ELMO1: variants seen among roughly 807,000 people sequenced by gnomAD.
ELMO1 encodes engulfment and cell motility 1, also known as engulfment and cell motility protein 1.
In ELMO1, 26 loss-of-function variants were observed where a neutral mutation model predicts 98.9. That is an observed-to-expected ratio of 0.26 (90% CI 0.19 to 0.36). The LOEUF is 0.36. Among genes scored for constraint, ELMO1 ranks in the 10% least tolerant of loss-of-function variants. The pLI is 1.00. For synonymous variants in ELMO1, 346 were observed against 346.0 expected (o/e 1.00, Z 0.00); for missense variants, 627 against 935.2 (o/e 0.67, Z 4.30).
intron 16 of ELMO1, among the ~76,000 whole-genome samples, chr7:36,985,485 C>G (rs752281190): frequency 2.0e-5 from 3 of 152,106 alleles, no homozygotes; most frequent in East Asian, 3.9e-4. Flanking sequence ...TTTGACAGAC[C>G]ATTGTAATAA....
At chr7:37,035,275 A>G (rs1795115205) in intron 15 of ELMO1, among the ~76,000 whole-genome samples, 1 of 152,218 alleles carries the variant, frequency 6.6e-6, no homozygotes. Context: ...AAATTATCCA[A>G]CCATCCTTTG....
chr7:37,233,775 T>C (rs1794311409), intron 7 of ELMO1, among the ~76,000 whole-genome samples: 1 of 152,224 alleles, frequency 6.6e-6, no homozygotes, highest in Non-Finnish European at 1.5e-5. Context: ...GATACAAACA[T>C]GTATGCAAGT....
At chr7:37,232,447 T>A (rs371116842) in intron 8 of ELMO1, among the ~76,000 whole-genome samples, 34 of 152,232 alleles carry the variant, frequency 2.2e-4, no homozygotes, top group African/African-American at 8.2e-4. Flanking sequence ...TTATTTTTAG[T>A]CAGAAGAATG....
chr7:37,397,100 G>A (rs908010868), intron 1 of ELMO1, among the ~76,000 whole-genome samples: 4 of 152,160 alleles, frequency 2.6e-5, no homozygotes, highest in Admixed American at 6.6e-5. Context: ...AGCCACAGTC[G>A]TAAACTGTAA....
At chr7:37,084,041 C>T (rs1562989802) in intron 15 of ELMO1, among the ~76,000 whole-genome samples, 1 of 152,246 alleles carries the variant, frequency 6.6e-6, no homozygotes, top group South Asian at 2.1e-4. Context: ...TAGGAAGTCA[C>T]ACAGCTGTGT....
chr7:37,205,297 T>C (rs1466142709), intron 13 of ELMO1, among the ~76,000 whole-genome samples: 2 of 152,198 alleles, frequency 1.3e-5, no homozygotes, highest in African/African-American at 4.8e-5. Flanking sequence ...GGAACAATAT[T>C]AAATTGTTTC....
chr7:37,025,937 T>TATCTATC (rs1343114106), intron 15 of ELMO1, among the ~76,000 whole-genome samples: 1 of 73,798 alleles, frequency 1.4e-5, no homozygotes, highest in Non-Finnish European at 2.9e-5. Context: ...ATCTATCTAT[T>TATCTATC]TTTTTCTATT....
chr7:37,162,858 T>C (rs1584743529), intron 13 of ELMO1, among the ~76,000 whole-genome samples: 1 of 152,278 alleles, frequency 6.6e-6, no homozygotes, highest in South Asian at 2.1e-4. Context: ...CCACTAGACA[T>C]CTACTGCCAA....
At chr7:37,080,382 A>G (rs1303673203) in intron 15 of ELMO1, among the ~76,000 whole-genome samples, 1 of 151,974 alleles carries the variant, frequency 6.6e-6, no homozygotes, top group Non-Finnish European at 1.5e-5. Context: ...AGTAAAAGCC[A>G]AATTGGTTAC....
chr7:37,393,934 G>A (rs10238927), intron 1 of ELMO1: 19,174 of 152,162 alleles, frequency 0.13, 1,438 homozygotes, highest in African/African-American at 0.2. Context: ...GGGATAAATA[G>A]GTGGAAAGGA....
chr7:36,912,845 G>C (rs1191718883), intron 16 of ELMO1, among the ~76,000 whole-genome samples: 1 of 152,158 alleles, frequency 6.6e-6, no homozygotes. Flanking sequence ...TAACATAAGT[G>C]AAAGTGTTGA....
intron 14 of ELMO1, 61 bp from the exon 15 acceptor site, chr7:37,096,788 T>G: frequency 7.0e-7 from 1 of 1,422,278 alleles, no homozygotes; most frequent in South Asian, 1.2e-5. Context: ...ATCAAGAATA[T>G]CACCTTCATT....
At chr7:37,204,108 C>T (rs1341717279) in intron 13 of ELMO1, 1 of 456,470 alleles carries the variant, frequency 2.2e-6, no homozygotes, top group Non-Finnish European at 4.4e-6. Context: ...ACGGTACTCA[C>T]CATTTGGCAA....
At chr7:37,042,651 T>G (rs543533297) in intron 15 of ELMO1, among the ~76,000 whole-genome samples, 1 of 152,330 alleles carries the variant, frequency 6.6e-6, no homozygotes, top group South Asian at 2.1e-4. Flanking sequence ...TTCCAAAATC[T>G]GAGACATCCT....
At chr7:36,927,907 C>G (rs1785711136) in intron 16 of ELMO1, among the ~76,000 whole-genome samples, 1 of 152,138 alleles carries the variant, frequency 6.6e-6, no homozygotes, top group Non-Finnish European at 1.5e-5. Flanking sequence ...GTTCAAATAT[C>G]AGTAAATAGG....
At chr7:37,365,265 G>A (rs1371290790) in intron 1 of ELMO1, among the ~76,000 whole-genome samples, 2 of 152,162 alleles carry the variant, frequency 1.3e-5, no homozygotes, top group African/African-American at 4.8e-5. Flanking sequence ...AAATAAAAGA[G>A]GTTGTTTTGC....
At chr7:37,174,991 G>T (rs972191058) in intron 13 of ELMO1, among the ~76,000 whole-genome samples, 1 of 152,096 alleles carries the variant, frequency 6.6e-6, no homozygotes, top group African/African-American at 2.4e-5. Flanking sequence ...AAGAGGAAAG[G>T]GGTTAAGAAT....
intron 16 of ELMO1, among the ~76,000 whole-genome samples, chr7:36,929,940 C>T (rs1462559724): frequency 6.6e-6 from 1 of 152,182 alleles, no homozygotes; most frequent in Non-Finnish European, 1.5e-5. Context: ...GTCTGCTGCT[C>T]CATGAGATCC....
chr7:36,936,851 T>C (rs1786575931), intron 16 of ELMO1, among the ~76,000 whole-genome samples: 1 of 152,218 alleles, frequency 6.6e-6, no homozygotes, highest in Non-Finnish European at 1.5e-5. Context: ...TTGGGGAAGA[T>C]ACATTAAAAA....
Sources: allele counts gnomAD v4.1 joint callset (sites outside exome capture counted in the v4.1 genomes callset), GRCh38; gene constraint gnomAD v4.1.1; transcripts MANE v1.5; gene names NCBI Gene and HGNC (gene_info 2026-07-23, HGNC 2026-07-21).